The following OPCML variants were observed in gnomAD, a reference collection of about 807,000 sequenced individuals.
The protein encoded by OPCML is opioid-binding protein/cell adhesion molecule.
A neutral mutation model predicts 37.8 loss-of-function variants in OPCML; 13 were observed. That is an observed-to-expected ratio of 0.34 (90% CI 0.22 to 0.55). The LOEUF (loss-of-function observed/expected upper bound fraction) is 0.55. Among genes scored for constraint, OPCML ranks in the 20% least tolerant of loss-of-function variants. The probability of loss-of-function intolerance (pLI) is 0.91; values close to 1 mark genes in which losing one functional copy is unlikely to be tolerated. For synonymous variants in OPCML, 176 were observed against 168.8 expected (o/e 1.04, Z -0.33); for missense variants, 341 against 435.6 (o/e 0.78, Z 1.93).
At chr11:132,528,941 C>T (rs2096316023) in intron 4 of OPCML, 120 bp downstream of exon 4, 3 of 614,318 alleles carry the variant, frequency 4.9e-6, no homozygotes, top group Non-Finnish European at 5.8e-6. Context: ...TGCATATTGC[C>T]TGTTTGATTT....
rs924362145 is a variant in OPCML at position 132,418,071 on chromosome 11, CTG to C, written c.*2120_*2121del. On this transcript the variant is annotated 3_prime_UTR_variant, in exon 8 of 8. Coordinates refer to ENST00000524381, the MANE Select transcript of OPCML (RefSeq NM_001012393.5). The stretch of plus-strand genomic sequence containing the variant: ...TGTATGTATATATGTATAGATATCT[CTG>C]TGTGTGTTTCCCCATGGCAGAGGTC... 4 of 152,218 alleles carry C rather than the reference CTG, an allele frequency of 2.6e-5. No homozygotes were observed. The highest frequency in any genetic ancestry group is 9.7e-5 in the African/African-American group (4 of 41,444). The allele number at this position is 152,218 out of a possible 1,614,324, so 9.4% of individuals were successfully genotyped here.
At chr11:133,096,697 G>T (rs1014190341) in intron 1 of OPCML, among the ~76,000 whole-genome samples, 1 of 151,954 alleles carries the variant, frequency 6.6e-6, no homozygotes, top group Non-Finnish European at 1.5e-5. Flanking sequence ...AATATGCCAT[G>T]GTAACACTAT....
intron 1 of OPCML, among the ~76,000 whole-genome samples, chr11:133,089,580 A>G (rs149875968): frequency 1.8e-3 from 278 of 152,358 alleles, no homozygotes; most frequent in Admixed American, 4.1e-3. Context: ...CTCTAAGGGC[A>G]CATAATTTAG....
intron 4 of OPCML, among the ~76,000 whole-genome samples, chr11:132,479,202 C>A (rs1208691174): frequency 6.6e-6 from 1 of 152,168 alleles, no homozygotes; most frequent in African/African-American, 2.4e-5. Context: ...CGAGGCATTG[C>A]CTCACTCAGG....
chr11:132,450,645 A>C (rs1194949360), intron 4 of OPCML, among the ~76,000 whole-genome samples: 1 of 152,120 alleles, frequency 6.6e-6, no homozygotes, highest in Non-Finnish European at 1.5e-5. Flanking sequence ...AATGTAAAAA[A>C]CAGTGTGATA....
intron 1 of OPCML, among the ~76,000 whole-genome samples, chr11:132,971,378 G>T (rs1199766428): frequency 6.6e-6 from 1 of 152,126 alleles, no homozygotes; most frequent in Admixed American, 6.5e-5. Flanking sequence ...ATGCTAAAAT[G>T]AACAACAGAT....
intron 4 of OPCML, among the ~76,000 whole-genome samples, chr11:132,524,810 T>C (rs918205419): frequency 6.6e-6 from 1 of 152,200 alleles, no homozygotes; most frequent in Non-Finnish European, 1.5e-5. Flanking sequence ...GGATCCACCT[T>C]TGGAAACTTG....
chr11:133,190,092 AC>A (rs1938241310), intron 1 of OPCML, among the ~76,000 whole-genome samples: 1 of 152,232 alleles, frequency 6.6e-6, no homozygotes, highest in Non-Finnish European at 1.5e-5. Context: ...AATCCTACAG[AC>A]AGTAGCACAC....
At chr11:133,314,232 CAAAAAAAAAAAAAAAAAAA>C (rs59843718) in intron 1 of OPCML, among the ~76,000 whole-genome samples, 2 of 49,750 alleles carry the variant, frequency 4.0e-5, no homozygotes. Flanking sequence ...GACTCCGTCT[CAAAAAAAAAAAAAAAAAAA>C]AAAAAAAAAA....
intron 4 of OPCML, among the ~76,000 whole-genome samples, chr11:132,512,883 G>A (rs1468513450): frequency 6.6e-6 from 1 of 151,842 alleles, no homozygotes; most frequent in Non-Finnish European, 1.5e-5. Context: ...TTGAGGTAAT[G>A]GTAATATGCT....
At chr11:132,916,871 C>T (rs757310182) in intron 2 of OPCML, among the ~76,000 whole-genome samples, 69 of 152,250 alleles carry the variant, frequency 4.5e-4, no homozygotes, top group Middle Eastern at 3.4e-3. Flanking sequence ...CCAAGACAGA[C>T]GACACATTAG....
At chr11:133,111,869 C>A (rs1028300145) in intron 1 of OPCML, among the ~76,000 whole-genome samples, 3 of 152,084 alleles carry the variant, frequency 2.0e-5, no homozygotes, top group African/African-American at 7.2e-5. Flanking sequence ...TGTTAATAAC[C>A]TGCAGGATGG....
intron 1 of OPCML, among the ~76,000 whole-genome samples, chr11:132,976,589 T>C (rs1354372541): frequency 6.6e-6 from 1 of 152,156 alleles, no homozygotes; most frequent in Non-Finnish European, 1.5e-5. Flanking sequence ...GGGATGATGA[T>C]TTTATAATAG....
Position 133,174,665 on chromosome 11 carries a change from G to A in OPCML, c.62-231655C>T, listed in dbSNP as rs1050877362. Reference sequence around the variant, plus strand: ...AAAAAAAAAAAAAAAAAAAGCAGGGGGAAGTTAAACACCTGAGTGAAGTGT... The same window carrying A: ...AAAAAAAAAAAAAAAAAAAGCAGGGAGAAGTTAAACACCTGAGTGAAGTGT... On this transcript the variant is annotated intron_variant, in intron 1 of 7. Transcript: ENST00000524381. This position sits in a 1 kb window ranked among gnomAD's most constrained non-coding sequence, Gnocchi z 4.6. Among the ~76,000 whole-genome samples the A allele has an allele frequency of 2.6e-5, 4 of 151,340 alleles. No homozygotes were observed. The highest frequency in any genetic ancestry group is 5.9e-5 in the Non-Finnish European group (4 of 67,902).
chr11:133,113,853 G>A (rs1285522095), intron 1 of OPCML, among the ~76,000 whole-genome samples: 2 of 152,192 alleles, frequency 1.3e-5, no homozygotes, highest in African/African-American at 2.4e-5. Context: ...GGCACATATT[G>A]AATTCTTTCT....
chr11:132,694,178 TC>T (rs1943514287), intron 2 of OPCML, among the ~76,000 whole-genome samples: 5 of 103,052 alleles, frequency 4.9e-5, no homozygotes, highest in African/African-American at 2.0e-4. Context: ...GAAATCAATG[TC>T]TTTTTTTTTT....
At chr11:133,160,008 C>A (rs1203591298) in intron 1 of OPCML, among the ~76,000 whole-genome samples, 1 of 152,220 alleles carries the variant, frequency 6.6e-6, no homozygotes, top group Non-Finnish European at 1.5e-5. Context: ...TGAGTGCAGG[C>A]TCCTGGAACG....
intron 2 of OPCML, among the ~76,000 whole-genome samples, chr11:132,705,062 G>A (rs2135933608): frequency 6.6e-6 from 1 of 152,326 alleles, no homozygotes; most frequent in East Asian, 1.9e-4. Context: ...ACCAGCGAGT[G>A]TGTATTTATT....
At chr11:133,144,705 C>T (rs1471309791) in intron 1 of OPCML, among the ~76,000 whole-genome samples, 4 of 152,172 alleles carry the variant, frequency 2.6e-5, no homozygotes, top group Non-Finnish European at 5.9e-5. Context: ...TGTTTATATC[C>T]AGTCTTATCT....
Sources: allele counts gnomAD v4.1 joint callset (sites outside exome capture counted in the v4.1 genomes callset), GRCh38; gene constraint gnomAD v4.1.1; non-coding constraint Gnocchi (gnomAD v3.1); transcripts MANE v1.5; gene names NCBI Gene and HGNC (gene_info 2026-07-23, HGNC 2026-07-21).